The following IDH3G variants were observed in gnomAD, a reference collection of about 807,000 sequenced individuals.
The protein encoded by IDH3G is isocitrate dehydrogenase (NAD(+)) 3 non-catalytic subunit gamma, also known as isocitrate dehydrogenase [NAD] subunit gamma, mitochondrial.
IDH3G carries 9 observed loss-of-function variants against 26.9 expected under a neutral mutation model. The observed-to-expected ratio is 0.34, with a 90% CI of 0.20 to 0.58. The LOEUF is 0.58. IDH3G is among the 20% of genes least tolerant of loss of function. The probability of loss-of-function intolerance (pLI) is 0.85; values close to 1 mark genes in which losing one functional copy is unlikely to be tolerated. For synonymous variants in IDH3G, 181 were observed against 160.0 expected (o/e 1.13, Z -0.99); for missense variants, 250 against 372.8 (o/e 0.67, Z 2.71).
At chrX:153,789,165 C>CTCCAAGCACGAGGG (rs1557069850) in intron 5 of IDH3G, 2 of 342,835 alleles carry the variant, frequency 5.8e-6, no homozygotes, top group Admixed American at 6.2e-5. Flanking sequence ...TCCACCCAGT[C>CTCCAAGCACGAGGG]TCCAAGCACG....
chrX:153,787,808 GC>G lies in IDH3G; in HGVS notation c.540+14del. On this transcript the variant is annotated intron_variant, in intron 7 of 12. Transcript: ENST00000217901. ...TTGACGCTGGGGGGGCTCATCTCGG[GC>G]CCCCCATGCACACCTCATGCTCCAG... The G allele has an allele frequency of 8.3e-7, 1 of 1,198,273 alleles. No individual in the cohort carries two copies. Among genetic ancestry groups the G allele is most frequent in the Admixed American group, 2.2e-5 (1 of 45,662 alleles).
At chrX:153,793,147 C>T (rs1184357874) in intron 1 of IDH3G, among the ~76,000 whole-genome samples, 1 of 111,123 alleles carries the variant, frequency 9.0e-6, no homozygotes, top group Non-Finnish European at 1.9e-5. Flanking sequence ...TACTCCCACC[C>T]CAACGCACAC....
chrX:153,787,028 G>C (rs782146245), intron 9 of IDH3G, 23 bp downstream of exon 9: 1 of 1,192,578 alleles, frequency 8.4e-7, no homozygotes, highest in South Asian at 1.8e-5. Flanking sequence ...AGGGCAGGGG[G>C]ACAGCACTGG....
chrX:153,794,143 G>T, intron 1 of IDH3G, 103 bp downstream of exon 1: 1 of 926,647 alleles, frequency 1.1e-6, no homozygotes, highest in African/African-American at 2.0e-5. Context: ...CCCCGCCCCT[G>T]GTGGGGCCCC....
rs2092106163 is a variant in IDH3G, at chrX:153,790,698, G to C, written c.123+112C>G. On this transcript the variant is annotated intron_variant, in intron 2 of 12. Coordinates refer to ENST00000217901, the MANE Select transcript of IDH3G (RefSeq NM_004135.4). ...CTAGTACAACTCCCAGAAGAGGGGTGGGTAGCCCCTGGAGACCACGTCTCA... is the reference window on the plus strand; with the variant it reads ...CTAGTACAACTCCCAGAAGAGGGGTCGGTAGCCCCTGGAGACCACGTCTCA... 2.8e-6 allele frequency: 3 copies of C among 1,058,220 alleles called. No individual in the cohort carries two copies. In the African/African-American group the frequency reaches 5.5e-5, roughly 19 times the overall value. 87.2% of individuals were successfully genotyped at this position (1,058,220 alleles called of 1,213,427 possible). A position where few individuals can be genotyped will look rare whatever the true frequency, so the allele number is the denominator to read the frequency against.
At chrX:153,788,319 C>G (rs1392524383) in intron 5 of IDH3G, among the ~76,000 whole-genome samples, 184 bp from the exon 6 acceptor site, 1 of 112,672 alleles carries the variant, frequency 8.9e-6, no homozygotes, top group Non-Finnish European at 1.9e-5. Context: ...CGAAGGGCAC[C>G]TGGTGCAGCA....
intron 12 of IDH3G, 30 bp from the exon 13 acceptor site, chrX:153,786,003 C>G: frequency 8.3e-7 from 1 of 1,210,751 alleles, no homozygotes. Context: ...TCGGCACACA[C>G]CAGGCCCTGC....
chrX:153,790,396 C>T (rs782389077), intron 3 of IDH3G, 104 bp from the exon 4 acceptor site: 56 of 886,987 alleles, frequency 6.3e-5, no homozygotes, highest in Non-Finnish European at 8.8e-5. Flanking sequence ...TGGCGCTGAC[C>T]CCACAGGCTG....
Position 153,789,782 on chromosome X carries a change from A to G in IDH3G, c.276T>C (p.Ser92=), listed in dbSNP as rs1603255761. The change falls in exon 5 of 13, where the codon AGT becomes AGC. Residue 92 remains serine (S), a synonymous_variant. Coordinates refer to ENST00000217901, the MANE Select transcript of IDH3G (RefSeq NM_004135.4). ...GAATGTCCTCTTCATCAGCATTGGAACTCACGTGCACCTCTTCAAAGTCCA... is the reference window on the plus strand; with the variant it reads ...GAATGTCCTCTTCATCAGCATTGGAGCTCACGTGCACCTCTTCAAAGTCCA... ...VPVDFEEVHV[S]SNADEEDIRN... 8.3e-7 allele frequency: 1 copy of G among 1,204,301 alleles called. No homozygotes were observed. Among genetic ancestry groups the G allele is most frequent in the South Asian group, 1.8e-5 (1 of 56,016 alleles).
At chrX:153,787,686 G>A in intron 7 of IDH3G, 89 bp from the exon 8 acceptor site, 1 of 1,147,805 alleles carries the variant, frequency 8.7e-7, no homozygotes, top group Non-Finnish European at 1.2e-6. Context: ...ACCGTGGGAA[G>A]CAACCCTGTC....
chrX:153,793,929 C>T, intron 1 of IDH3G: 1 of 197,779 alleles, frequency 5.1e-6, no homozygotes, highest in Non-Finnish European at 9.4e-6. Context: ...AAAGGCGGGC[C>T]GGGATACGTG....
At position 153,788,104 on chromosome X, in the gene IDH3G, C is replaced by G; in HGVS notation, c.378G>C (p.Pro126=). 4 of 1,212,144 alleles carry G rather than the reference C, an allele frequency of 3.3e-6. No individual in the cohort carries two copies. The South Asian group carries it at 7.0e-5, about 21-fold the overall frequency. The change falls in exon 6 of 13, where the codon CCG becomes CCC. Residue 126 remains proline, a synonymous_variant. Transcript: ENST00000217901. The part of the protein sequence containing the change: ...GNIETNHNLP[P]SHKSRNNILR... ...GGATGTTGTTTCGAGATTTGTGCGA[C>G]GGTGGCAGGTTATGGTTGGTTTCGA...
chrX:153,787,294 C>A (rs2092092643), intron 8 of IDH3G, 141 bp from the exon 9 acceptor site: 10 of 769,946 alleles, frequency 1.3e-5, no homozygotes, highest in Non-Finnish European at 1.9e-5. Context: ...AATCCCACCC[C>A]ACCTCCCCTA....
At chrX:153,791,102 C>G in intron 1 of IDH3G, 1 of 361,893 alleles carries the variant, frequency 2.8e-6, no homozygotes, top group Non-Finnish European at 4.8e-6. Context: ...TCTTAAAAGG[C>G]GTGTCCCTGC....
intron 12 of IDH3G, 39 bp from the exon 13 acceptor site, chrX:153,786,012 GCCACCCCCCGC>G: frequency 3.3e-6 from 4 of 1,210,436 alleles, no homozygotes; most frequent in Non-Finnish European, 4.5e-6. Flanking sequence ...ACCAGGCCCT[GCCACCCCCCGC>G]TGTCTCCTGT....
intron 5 of IDH3G, among the ~76,000 whole-genome samples, chrX:153,788,568 G>A (rs1361996600): frequency 1.8e-5 from 2 of 112,962 alleles, no homozygotes; most frequent in Non-Finnish European, 3.8e-5. Context: ...GCTGCCTGGA[G>A]AAGGCCACGG....
chrX:153,791,184 CA>C, intron 1 of IDH3G: 1 of 266,517 alleles, frequency 3.8e-6, no homozygotes, highest in East Asian at 6.3e-5. Context: ...TTGTAACATG[CA>C]AAAACTGGCA....
At chrX:153,789,284 G>A (rs1327095928) in intron 5 of IDH3G, 6 of 320,132 alleles carry the variant, frequency 1.9e-5, no homozygotes, top group Non-Finnish European at 3.1e-5. Flanking sequence ...GACGGCTCAC[G>A]CCTGTAATCC....
chrX:153,786,526 CAGA>C, intron 10 of IDH3G, 77 bp from the exon 11 acceptor site: 1 of 815,505 alleles, frequency 1.2e-6, no homozygotes, highest in Non-Finnish European at 1.8e-6. Flanking sequence ...GTGACACGTC[CAGA>C]AGAAGCCACT....
Sources: gnomAD v4.1 joint callset for allele counts (sites outside exome capture counted in the v4.1 genomes callset) on GRCh38, gnomAD v4.1.1 for gene constraint, MANE v1.5 for transcripts, NCBI Gene and HGNC (gene_info 2026-07-23, HGNC 2026-07-21) for gene names.